The following FAM184A variants were observed in gnomAD, a reference collection of about 807,000 sequenced individuals.
The protein encoded by FAM184A is protein FAM184A.
In FAM184A, 99 loss-of-function variants were observed where a neutral mutation model predicts 143.8. The ratio of observed to expected loss-of-function variants is 0.69; its 90% CI spans 0.58 to 0.81. The LOEUF is 0.81. FAM184A is among the 40% of genes least tolerant of loss of function. The probability of loss-of-function intolerance (pLI) is 0.00; values close to 1 mark genes in which losing one functional copy is unlikely to be tolerated. For synonymous variants in FAM184A, 427 were observed against 446.4 expected (o/e 0.96, Z 0.55); for missense variants, 1,217 against 1,310.5 (o/e 0.93, Z 1.10).
intron 1 of FAM184A, among the ~76,000 whole-genome samples, chr6:119,074,250 C>T (rs1404120537): frequency 6.6e-6 from 1 of 152,152 alleles, no homozygotes. Context: ...GGGTGAGAAA[C>T]CAGAACTGGC....
chr6:119,003,567 T>G lies in FAM184A; in HGVS notation c.1871A>C (p.Glu624Ala), dbSNP rs1784830806. 6.2e-7 allele frequency: 1 copy of G among 1,613,080 alleles called. No homozygotes were observed. Residue 624 changes from glutamate (E) to alanine (A), a missense_variant, in exon 8 of 18, where the codon GAA (glutamate) becomes GCA (alanine). Glu to Ala is a moderately radical substitution (Grantham distance 107). Transcript: ENST00000338891. ...QHEETIAAMK[E>A]EEKLKVDKMA... ...TTTGTCCACTTTGAGCTTCTCTTCTTCTTTCATGGCAGCAATTGTTTCTTC... is the reference window on the plus strand; with the variant it reads ...TTTGTCCACTTTGAGCTTCTCTTCTGCTTTCATGGCAGCAATTGTTTCTTC...
At position 119,038,462 on chromosome 6, in the gene FAM184A, T is replaced by C. The variant is rs1786194868; in HGVS notation, c.160-13649A>G. Among the ~76,000 whole-genome samples, 5 of 152,190 alleles carry C rather than the reference T, an allele frequency of 3.3e-5. No individual in the cohort carries two copies. The South Asian group carries it at 1.0e-3, about 32-fold the overall frequency. ...AACAGGTTGCAGTAAAGGAGTCAGC[T>C]AAAACCCACCAAAACCAAAATGGCC... is the stretch of plus-strand genomic sequence containing the variant. On this transcript the variant is annotated intron_variant, in intron 1 of 17. Coordinates refer to ENST00000338891, the MANE Select transcript of FAM184A (RefSeq NM_024581.6).
chr6:119,078,408 AC>A lies in FAM184A; in HGVS notation c.-110del. On this transcript the variant is annotated 5_prime_UTR_variant, in exon 1 of 18. Transcript: ENST00000338891. The surrounding 1 kb of genome is among the most constrained non-coding windows in gnomAD (Gnocchi z 5.5). ...CGCGGCGGCCGCTTCCCGACCCGAC[AC>A]CCGGCGCCCCCCAGACTCGGCCGCA... The A allele has an allele frequency of 8.8e-7, 1 of 1,142,754 alleles. No homozygotes were observed. The highest frequency in any genetic ancestry group is 1.9e-5 in the South Asian group (1 of 51,542). The allele number at this position is 1,142,754 out of a possible 1,614,324, so 70.8% of individuals were successfully genotyped here. A position where few individuals can be genotyped will look rare whatever the true frequency, so the allele number is the denominator to read the frequency against.
At chr6:119,008,093 G>A (rs1784980117) in intron 6 of FAM184A, among the ~76,000 whole-genome samples, 1 of 152,148 alleles carries the variant, frequency 6.6e-6, no homozygotes, top group African/African-American at 2.4e-5. Flanking sequence ...AAGCAAATAA[G>A]TGTTGAACAT....
At chr6:119,145,876 A>G (rs138496162) in intron 1 of FAM184A, among the ~76,000 whole-genome samples, 43 of 152,346 alleles carry the variant, frequency 2.8e-4, no homozygotes, top group African/African-American at 1.0e-3. Context: ...AAGCAAAAAC[A>G]TGATTTTTAC....
chr6:119,015,242 G>A (rs1449451450), intron 5 of FAM184A, among the ~76,000 whole-genome samples: 6 of 152,106 alleles, frequency 3.9e-5, no homozygotes, highest in East Asian at 1.9e-4. Flanking sequence ...GGAGCCCTTC[G>A]GCCTGCCGCT....
chr6:119,092,406 G>A (rs1182248064), intron 1 of FAM184A, among the ~76,000 whole-genome samples: 1 of 152,024 alleles, frequency 6.6e-6, no homozygotes, highest in Non-Finnish European at 1.5e-5. Context: ...CAACATGTTG[G>A]GATTACAGGC....
intron 1 of FAM184A, among the ~76,000 whole-genome samples, chr6:119,114,057 G>A (rs1047320530): frequency 1.3e-5 from 2 of 152,068 alleles, no homozygotes; most frequent in East Asian, 1.9e-4. Flanking sequence ...CTTTATCATA[G>A]GTATGTATGT....
intron 1 of FAM184A, among the ~76,000 whole-genome samples, chr6:119,101,170 A>G (rs7752458): frequency 0.89 from 133,804 of 150,134 alleles, 59,713 homozygotes; most frequent in East Asian, 1. Context: ...GGGTTCAAGC[A>G]ATTCTCCTGC....
intron 1 of FAM184A, among the ~76,000 whole-genome samples, chr6:119,034,580 T>TTAA (rs1554270313): frequency 6.7e-6 from 1 of 148,190 alleles, no homozygotes; most frequent in Admixed American, 6.7e-5. Context: ...TTTTTTTTTT[T>TTAA]AAAAAAACCT....
chr6:118,981,528 C>T (rs1186557292), intron 9 of FAM184A, among the ~76,000 whole-genome samples: 1 of 152,088 alleles, frequency 6.6e-6, no homozygotes, highest in East Asian at 1.9e-4. Context: ...CATAAGTTGC[C>T]TCACATGCGT....
chr6:118,987,721 CA>C (rs765271302), intron 9 of FAM184A, among the ~76,000 whole-genome samples: 8 of 151,944 alleles, frequency 5.3e-5, no homozygotes, highest in Non-Finnish European at 1.0e-4. Flanking sequence ...ACTAGTTTAA[CA>C]ACAAAAAAAT....
chr6:119,061,348 TTTTC>T (rs922318572), intron 1 of FAM184A, among the ~76,000 whole-genome samples: 8 of 151,896 alleles, frequency 5.3e-5, no homozygotes, highest in South Asian at 2.1e-4. Flanking sequence ...CCAGGATTAC[TTTTC>T]TTTCTTTCTT....
chr6:119,094,901 A>G (rs967514933), intron 1 of FAM184A, among the ~76,000 whole-genome samples: 5 of 152,160 alleles, frequency 3.3e-5, no homozygotes, highest in African/African-American at 4.8e-5. Flanking sequence ...AGGCTGAACA[A>G]TTTATCCCCT....
intron 7 of FAM184A, among the ~76,000 whole-genome samples, chr6:119,004,665 C>CT (rs1784867414): frequency 6.6e-6 from 1 of 152,198 alleles, no homozygotes; most frequent in African/African-American, 2.4e-5. Context: ...AACACTTGGT[C>CT]TTAAGGAGCT....
intron 15 of FAM184A, among the ~76,000 whole-genome samples, chr6:118,966,600 T>G (rs1783509392): frequency 6.6e-6 from 1 of 152,144 alleles, no homozygotes; most frequent in Non-Finnish European, 1.5e-5. Flanking sequence ...TCAATATGTA[T>G]CAAAAAGACT....
chr6:119,096,855 T>A (rs1788523698), intron 1 of FAM184A, among the ~76,000 whole-genome samples: 1 of 152,084 alleles, frequency 6.6e-6, no homozygotes, highest in Non-Finnish European at 1.5e-5. Context: ...TCCAGGCCTG[T>A]CCTTGACGTC....
At chr6:119,077,233 C>A (rs1294915354) in intron 1 of FAM184A, among the ~76,000 whole-genome samples, 1 of 152,120 alleles carries the variant, frequency 6.6e-6, no homozygotes, top group Non-Finnish European at 1.5e-5. Flanking sequence ...CTAGCAGTAA[C>A]CCCCACGATG....
intron 1 of FAM184A, among the ~76,000 whole-genome samples, chr6:119,136,054 G>A (rs1408737696): frequency 6.7e-6 from 1 of 149,880 alleles, no homozygotes; most frequent in Non-Finnish European, 1.5e-5. Flanking sequence ...CGAGGCGGGT[G>A]GATCATGAGG....
Sources: allele counts gnomAD v4.1 joint callset (sites outside exome capture counted in the v4.1 genomes callset), GRCh38; gene constraint gnomAD v4.1.1; non-coding constraint Gnocchi (gnomAD v3.1); transcripts MANE v1.5; gene names NCBI Gene and HGNC (gene_info 2026-07-23, HGNC 2026-07-21).